PDE4D: variants seen among roughly 807,000 people sequenced by gnomAD.
PDE4D encodes 3',5'-cyclic-AMP phosphodiesterase 4D.
A neutral mutation model predicts 87.4 loss-of-function variants in PDE4D; 24 were observed. The ratio of observed to expected loss-of-function variants is 0.27; its 90% confidence interval spans 0.20 to 0.39. The LOEUF is 0.39. Among genes scored for constraint, PDE4D ranks in the 10% least tolerant of loss-of-function variants. The probability of loss-of-function intolerance (pLI) is 1.00; values close to 1 mark genes in which losing one functional copy is unlikely to be tolerated. For missense variants in PDE4D, 714 were observed against 1,041.0 expected (o/e 0.69, Z 4.32); for synonymous variants, 384 against 383.2 (o/e 1.00, Z -0.02).
intron 6 of PDE4D, among the ~76,000 whole-genome samples, chr5:59,026,699 G>A (rs1756318278): frequency 6.6e-6 from 1 of 151,960 alleles, no homozygotes; most frequent in African/African-American, 2.4e-5. Flanking sequence ...GGACACCCCA[G>A]ATATAGGATG....
intron 1 of PDE4D, among the ~76,000 whole-genome samples, chr5:59,386,439 C>T: frequency 6.6e-6 from 1 of 151,930 alleles, no homozygotes; most frequent in East Asian, 1.9e-4. Flanking sequence ...TGTGACTATT[C>T]TAGAAGGTGG....
rs1742029725 is a variant in PDE4D at position 60,202,468 on chromosome 5, G to T, written c.-89-16781C>A. On this transcript the variant is annotated intron_variant, in intron 1 of 16. Transcript: ENST00000502484. ...AGGTGTGAGTCACCATCCCCAGCCT[G>T]TGATTTAATCAATTTTAAAACAAAA... Among the ~76,000 whole-genome samples the T allele has an allele frequency of 4.6e-5, 7 of 152,082 alleles. No individual in the cohort carries two copies. The South Asian group carries it at 1.5e-3, about 32-fold the overall frequency.
intron 3 of PDE4D, among the ~76,000 whole-genome samples, chr5:59,901,871 C>A (rs1046186223): frequency 6.7e-6 from 1 of 150,218 alleles, no homozygotes; most frequent in East Asian, 2.0e-4. Context: ...ACATACACTA[C>A]AATTCATAAT....
chr5:59,989,389 A>G (rs1390189217), intron 2 of PDE4D, among the ~76,000 whole-genome samples: 4 of 152,192 alleles, frequency 2.6e-5, no homozygotes, highest in East Asian at 1.9e-4. Context: ...AAAATGTTAT[A>G]TAGCACATGA....
chr5:60,105,358 T>G (rs1315759626), intron 2 of PDE4D, among the ~76,000 whole-genome samples: 1 of 152,126 alleles, frequency 6.6e-6, no homozygotes, highest in Admixed American at 6.5e-5. Context: ...AATATGGGAC[T>G]ATGTGAAAAG....
chr5:59,459,511 A>C (rs1800432999), intron 1 of PDE4D, among the ~76,000 whole-genome samples: 1 of 152,242 alleles, frequency 6.6e-6, no homozygotes, highest in South Asian at 2.1e-4. Flanking sequence ...GCCAGGTATC[A>C]GTATTTTAAT....
chr5:60,066,703 T>G (rs1772141793), intron 2 of PDE4D, among the ~76,000 whole-genome samples: 1 of 152,098 alleles, frequency 6.6e-6, no homozygotes. Context: ...ATGAGTCATC[T>G]CATTCGTAAG....
intron 5 of PDE4D, among the ~76,000 whole-genome samples, chr5:59,128,015 CGT>C (rs55796726): frequency 0.065 from 9,350 of 144,398 alleles, 337 homozygotes; most frequent in Middle Eastern, 0.14. Flanking sequence ...CTTTCAGAGC[CGT>C]GTGTGTGTGT....
In PDE4D at chr5:59,842,989, C is replaced by A. The variant is rs116094009; in HGVS notation, c.455+50179G>T. Reference sequence around the variant, plus strand: ...ATTTCTAGAAAACAACATTTCTAGACCACATCCTCCCCAAAATATTTTTTA... The same window carrying A: ...ATTTCTAGAAAACAACATTTCTAGAACACATCCTCCCCAAAATATTTTTTA... On this transcript the variant is annotated intron_variant, in intron 1 of 14. Transcript: ENST00000340635. Among the ~76,000 whole-genome samples, 1,250 of 152,066 alleles carry A rather than the reference C, an allele frequency of 8.2e-3. 19 individuals are homozygous for A. Among genetic ancestry groups the A allele is most frequent in the African/African-American group, 0.029 (1,206 of 41,524 alleles).
chr5:59,447,742 A>T (rs2153638896), intron 1 of PDE4D, among the ~76,000 whole-genome samples: 1 of 152,340 alleles, frequency 6.6e-6, no homozygotes, highest in Middle Eastern at 3.4e-3. Context: ...TTCCAAGCCC[A>T]TTATTGTGCC....
chr5:60,147,843 T>C (rs1168101219), intron 2 of PDE4D: 2 of 452,372 alleles, frequency 4.4e-6, no homozygotes. Context: ...TTGAGTGTCT[T>C]TGTGAGTTGA....
chr5:59,200,636 TAC>T (rs1226389822), intron 2 of PDE4D, among the ~76,000 whole-genome samples: 2 of 131,552 alleles, frequency 1.5e-5, no homozygotes, highest in African/African-American at 3.1e-5. Flanking sequence ...CACGTGTATG[TAC>T]AGATACACGT....
At chr5:59,373,931 A>C (rs184405104) in intron 1 of PDE4D, among the ~76,000 whole-genome samples, 8 of 152,204 alleles carry the variant, frequency 5.3e-5, no homozygotes, top group Non-Finnish European at 1.0e-4. Context: ...CAAACTAAGC[A>C]TCATAAGTGA....
At chr5:59,260,331 G>A (rs1446350901) in intron 1 of PDE4D, among the ~76,000 whole-genome samples, 1 of 151,790 alleles carries the variant, frequency 6.6e-6, no homozygotes, top group African/African-American at 2.4e-5. Flanking sequence ...TCACACCTAC[G>A]CTATATTTAG....
intron 1 of PDE4D, among the ~76,000 whole-genome samples, chr5:59,333,943 A>T (rs1777183692): frequency 6.6e-6 from 1 of 152,004 alleles, no homozygotes. Flanking sequence ...TTGTTAAAAG[A>T]TGTATGCAAA....
intron 2 of PDE4D, among the ~76,000 whole-genome samples, chr5:60,071,979 A>G (rs1421281437): frequency 1.3e-5 from 2 of 152,238 alleles, no homozygotes; most frequent in East Asian, 1.9e-4. Flanking sequence ...TGCAGTGAAC[A>G]TATGTGAGCA....
chr5:60,322,375 CACACACACACA>C (rs1756366153), intron 1 of PDE4D, among the ~76,000 whole-genome samples: 1 of 87,158 alleles, frequency 1.1e-5, no homozygotes, highest in African/African-American at 6.6e-5. Flanking sequence ...CATACACACA[CACACACACACA>C]CACACACACA....
At chr5:59,619,929 T>TA (rs1830146701) in intron 1 of PDE4D, among the ~76,000 whole-genome samples, 1 of 152,186 alleles carries the variant, frequency 6.6e-6, no homozygotes, top group Non-Finnish European at 1.5e-5. Flanking sequence ...TTAGCACTGT[T>TA]ATGCTTTGCT....
intron 1 of PDE4D, among the ~76,000 whole-genome samples, chr5:59,778,373 G>A (rs1433628000): frequency 1.3e-5 from 2 of 152,200 alleles, no homozygotes. Flanking sequence ...TTCCCAAGAA[G>A]TTATTCTGAC....
Sources: allele counts gnomAD v4.1 joint callset (sites outside exome capture counted in the v4.1 genomes callset), GRCh38; gene constraint gnomAD v4.1.1; transcripts MANE v1.5; gene names NCBI Gene and HGNC (gene_info 2026-07-23, HGNC 2026-07-21).